The following ARK2C variants were observed in gnomAD, a reference collection of about 807,000 sequenced individuals.
ARK2C encodes the protein E3 ubiquitin-protein ligase ARK2C.
the ARK2C span, among the ~76,000 whole-genome samples, chr18:46,434,708 C>A: frequency 1.3e-5 from 2 of 152,122 alleles, no homozygotes; most frequent in Non-Finnish European, 2.9e-5. Flanking sequence ...TCTCTAAGGC[C>A]CTAAGCATAC....
chr18:46,444,441 C>A, the ARK2C span, among the ~76,000 whole-genome samples: 1 of 151,706 alleles, frequency 6.6e-6, no homozygotes. Flanking sequence ...ATTTTTTAGT[C>A]TTTTTCTGAT....
the ARK2C span, among the ~76,000 whole-genome samples, chr18:46,375,380 C>A: frequency 6.6e-6 from 1 of 151,900 alleles, no homozygotes; most frequent in Non-Finnish European, 1.5e-5. Flanking sequence ...TGGGCAAAAC[C>A]CTGTCTCTAC....
chr18:46,355,777 C>A, the ARK2C span, among the ~76,000 whole-genome samples: 1 of 152,230 alleles, frequency 6.6e-6, no homozygotes, highest in African/African-American at 2.4e-5. Context: ...CCCCTCAAGA[C>A]CTTCTCCAAA....
the ARK2C span, among the ~76,000 whole-genome samples, chr18:46,437,705 A>G: frequency 6.6e-6 from 1 of 152,168 alleles, no homozygotes; most frequent in African/African-American, 2.4e-5. Flanking sequence ...TTTCTTGCCC[A>G]TGCCTAATAA....
At chr18:46,434,611 G>T in the ARK2C span, among the ~76,000 whole-genome samples, 1 of 152,294 alleles carries the variant, frequency 6.6e-6, no homozygotes, top group African/African-American at 2.4e-5. Context: ...TTAGGAAAAT[G>T]GTTTTGACCT....
the ARK2C span, among the ~76,000 whole-genome samples, chr18:46,430,899 GT>G: frequency 1.3e-5 from 2 of 152,092 alleles, no homozygotes; most frequent in African/African-American, 4.8e-5. Flanking sequence ...CGAGTTCATT[GT>G]TTAAAAATTA....
the ARK2C span, among the ~76,000 whole-genome samples, chr18:46,424,021 C>T: frequency 6.6e-6 from 1 of 152,192 alleles, no homozygotes; most frequent in Non-Finnish European, 1.5e-5. Flanking sequence ...GAACAAAGGG[C>T]ATTTACTGCA....
chr18:46,385,882 A>G, the ARK2C span: 2 of 152,194 alleles, frequency 1.3e-5, no homozygotes, highest in South Asian at 4.1e-4. Flanking sequence ...AGTTGCTTTT[A>G]CTAATACATG....
the ARK2C span, among the ~76,000 whole-genome samples, chr18:46,453,151 G>T: frequency 2.6e-5 from 4 of 152,180 alleles, no homozygotes; most frequent in African/African-American, 9.7e-5. Flanking sequence ...ATTCGTAAAT[G>T]ATTTCAACCG....
At chr18:46,421,376 ATT>A in the ARK2C span, among the ~76,000 whole-genome samples, 3 of 152,086 alleles carry the variant, frequency 2.0e-5, 1 homozygote, top group African/African-American at 7.2e-5. Context: ...TCATTCATTC[ATT>A]CATTCATTCA....
the ARK2C span, among the ~76,000 whole-genome samples, chr18:46,394,740 C>T: frequency 6.6e-6 from 1 of 152,262 alleles, no homozygotes; most frequent in African/African-American, 2.4e-5. Flanking sequence ...TTCATGTCCA[C>T]ACCACTGTTC....
At chr18:46,334,040 T>C in the ARK2C span, 1 of 151,212 alleles carries the variant, frequency 6.6e-6, no homozygotes, top group South Asian at 1.9e-4. This position sits in a 1 kb window ranked among gnomAD's most constrained non-coding sequence, Gnocchi z 4.4. Context: ...CGCCTTTGTG[T>C]GGCGGCAGCT....
At chr18:46,334,561 T>G in the ARK2C span, 2 of 494,554 alleles carry the variant, frequency 4.0e-6, no homozygotes, top group South Asian at 6.2e-5. The surrounding 1 kb of genome is among the most constrained non-coding windows in gnomAD (Gnocchi z 4.4). Flanking sequence ...TTGGGTCCCT[T>G]CCTCCCCAGC....
At chr18:46,456,237 G>C in the ARK2C span, among the ~76,000 whole-genome samples, 1 of 152,194 alleles carries the variant, frequency 6.6e-6, no homozygotes, top group South Asian at 2.1e-4. Context: ...GGAAGGTGGG[G>C]TATGAAATGT....
chr18:46,438,203 T>C, the ARK2C span, among the ~76,000 whole-genome samples: 5 of 152,276 alleles, frequency 3.3e-5, no homozygotes, highest in East Asian at 9.6e-4. Flanking sequence ...GGGATATTCC[T>C]GTGACCCCTT....
chr18:46,358,423 G>A, the ARK2C span, among the ~76,000 whole-genome samples: 2 of 152,216 alleles, frequency 1.3e-5, no homozygotes, highest in African/African-American at 4.8e-5. Context: ...CCTCAGAGCT[G>A]CCCTCTGGGA....
At chr18:46,441,955 G>C in the ARK2C span, among the ~76,000 whole-genome samples, 2 of 150,924 alleles carry the variant, frequency 1.3e-5, no homozygotes, top group Admixed American at 6.6e-5. Flanking sequence ...ACGAGGTCAG[G>C]GGATCGAGAC....
chr18:46,390,658 C>T, the ARK2C span, among the ~76,000 whole-genome samples: 1 of 152,214 alleles, frequency 6.6e-6, no homozygotes, highest in South Asian at 2.1e-4. Context: ...GTCCATCAGC[C>T]CCCATTCAGC....
chr18:46,352,895 A>G, the ARK2C span, among the ~76,000 whole-genome samples: 1 of 152,240 alleles, frequency 6.6e-6, no homozygotes, highest in African/African-American at 2.4e-5. Context: ...GTTGGTGCTT[A>G]GAACCCACAC....
Sources: allele counts gnomAD v4.1 joint callset (sites outside exome capture counted in the v4.1 genomes callset), GRCh38; gene constraint gnomAD v4.1.1; non-coding constraint Gnocchi (gnomAD v3.1); transcripts MANE v1.5; gene names NCBI Gene and HGNC (gene_info 2026-07-23, HGNC 2026-07-21).